DPP6: variants seen among roughly 807,000 people sequenced by gnomAD.
DPP6 encodes dipeptidyl peptidase like 6, also known as A-type potassium channel modulatory protein DPP6.
Under a neutral mutation model 122.6 loss-of-function variants are expected in DPP6, and 69 were observed. That is an observed-to-expected ratio of 0.56 (90% CI 0.46 to 0.69). The LOEUF is 0.69. DPP6 is among the 30% of genes least tolerant of loss of function. The pLI is 0.00. For missense variants in DPP6, 928 were observed against 1,116.9 expected, an observed-to-expected ratio of 0.83 and a Z score of 2.41; for synonymous variants, 418 against 433.1, an observed-to-expected ratio of 0.97 and a Z score of 0.43.
chr7:154,556,689 A>G (rs1347897510), intron 4 of DPP6, among the ~76,000 whole-genome samples: 1 of 152,234 alleles, frequency 6.6e-6, no homozygotes, highest in East Asian at 1.9e-4. Context: ...TTAAATTTTA[A>G]TTTTAAGAAA....
chr7:154,720,245 G>A (rs1227739213), intron 7 of DPP6, among the ~76,000 whole-genome samples: 1 of 152,176 alleles, frequency 6.6e-6, no homozygotes, highest in Non-Finnish European at 1.5e-5. Context: ...AGGAGAGGAG[G>A]CACCAGCAGG....
intron 10 of DPP6, among the ~76,000 whole-genome samples, chr7:154,784,215 C>A (rs1220383119): frequency 1.3e-5 from 2 of 152,116 alleles, no homozygotes; most frequent in African/African-American, 4.8e-5. Context: ...AATTGAGCTA[C>A]AACTTGCACT....
At chr7:154,699,070 G>C (rs1306117335) in intron 7 of DPP6, among the ~76,000 whole-genome samples, 3 of 152,186 alleles carry the variant, frequency 2.0e-5, no homozygotes, top group African/African-American at 7.2e-5. Flanking sequence ...AACCTGGGAG[G>C]GAAGCAGACA....
At position 154,760,024 on chromosome 7, in the gene DPP6, G is replaced by A. The variant is rs1230536157; in HGVS notation, c.884-9393G>A. Reference sequence around the variant, plus strand: ...TGTAGTCCCAGCTACTCGGGAGGCCGAGGCAGAAGAATCACTTGAACCCAG... The same window carrying A: ...TGTAGTCCCAGCTACTCGGGAGGCCAAGGCAGAAGAATCACTTGAACCCAG... On this transcript the variant is annotated intron_variant, in intron 8 of 25. Transcript: ENST00000377770. The surrounding 1 kb of genome is among the most constrained non-coding windows in gnomAD (Gnocchi z 4.5). 6.6e-6 allele frequency among the ~76,000 whole-genome samples: 1 copy of A among 152,196 alleles called. No individual in the cohort carries two copies. Among genetic ancestry groups the A allele is most frequent in the Admixed American group, 6.5e-5 (1 of 15,286 alleles).
intron 1 of DPP6, among the ~76,000 whole-genome samples, chr7:154,308,964 A>C (rs1340916147): frequency 6.6e-6 from 1 of 150,786 alleles, no homozygotes; most frequent in Admixed American, 6.6e-5. Context: ...GTATGCACAC[A>C]CAAACAAATG....
At chr7:154,112,752 A>G (rs1365946929) in intron 1 of DPP6, among the ~76,000 whole-genome samples, 3 of 151,362 alleles carry the variant, frequency 2.0e-5, no homozygotes, top group Non-Finnish European at 4.4e-5. Flanking sequence ...TTTTTGTGAT[A>G]AGAACACTTA....
chr7:154,270,808 C>T (rs755839267), intron 1 of DPP6, among the ~76,000 whole-genome samples: 2 of 151,984 alleles, frequency 1.3e-5, no homozygotes, highest in Non-Finnish European at 2.9e-5. Flanking sequence ...GAAATTCTGC[C>T]CTGGTTCTGG....
intron 1 of DPP6, among the ~76,000 whole-genome samples, chr7:154,191,982 GA>G (rs199817118): frequency 2.0e-5 from 3 of 151,946 alleles, no homozygotes; most frequent in East Asian, 3.9e-4. Flanking sequence ...AGAGGCAGGA[GA>G]AAAAAAACCA....
chr7:154,310,458 T>C (rs1006777794), intron 1 of DPP6, among the ~76,000 whole-genome samples: 2 of 152,220 alleles, frequency 1.3e-5, no homozygotes, highest in African/African-American at 4.8e-5. Flanking sequence ...CAAGGACAAA[T>C]GATACCCAGA....
chr7:154,037,073 C>T (rs1469282401), intron 1 of DPP6, among the ~76,000 whole-genome samples: 3 of 151,992 alleles, frequency 2.0e-5, no homozygotes, highest in Non-Finnish European at 4.4e-5. Context: ...GATTTGTGGC[C>T]CATGAGTCTC....
chr7:154,793,159 A>C (rs1286794335), intron 10 of DPP6, among the ~76,000 whole-genome samples: 1 of 152,202 alleles, frequency 6.6e-6, no homozygotes, highest in African/African-American at 2.4e-5. Flanking sequence ...TAGTGATAAA[A>C]GATCTTGTAA....
the DPP6 span, among the ~76,000 whole-genome samples, chr7:153,783,857 G>A: frequency 1.3e-5 from 2 of 152,140 alleles, no homozygotes; most frequent in African/African-American, 2.4e-5. Context: ...GCCCCAAGTT[G>A]GAAACAATGT....
intron 3 of DPP6, among the ~76,000 whole-genome samples, chr7:154,520,907 T>C (rs1826919684): frequency 6.6e-6 from 1 of 152,180 alleles, no homozygotes; most frequent in Non-Finnish European, 1.5e-5. Flanking sequence ...ATGCCTAATA[T>C]AAGTAGCATG....
chr7:154,091,651 G>A (rs1476991112), intron 1 of DPP6, among the ~76,000 whole-genome samples: 6 of 151,980 alleles, frequency 3.9e-5, no homozygotes, highest in Non-Finnish European at 8.8e-5. Flanking sequence ...GGGTCCCTAA[G>A]AGAAAGGATA....
the DPP6 span, among the ~76,000 whole-genome samples, chr7:153,812,796 T>A: frequency 6.6e-6 from 1 of 152,114 alleles, no homozygotes; most frequent in Admixed American, 6.5e-5. Context: ...GTTTCTGTGA[T>A]CTCCATCTAG....
At chr7:153,780,389 C>T in the DPP6 span, among the ~76,000 whole-genome samples, 3 of 151,926 alleles carry the variant, frequency 2.0e-5, no homozygotes, top group Admixed American at 2.0e-4. Context: ...GAATGGTTCC[C>T]AGAATTATTT....
the DPP6 span, among the ~76,000 whole-genome samples, chr7:153,877,792 C>A: frequency 6.8e-4 from 103 of 152,038 alleles, no homozygotes; most frequent in Non-Finnish European, 1.2e-3. Context: ...TCAAGTATTA[C>A]CCTATTCCAA....
chr7:154,123,230 C>A (rs1807627372), intron 1 of DPP6, among the ~76,000 whole-genome samples: 1 of 152,194 alleles, frequency 6.6e-6, no homozygotes, highest in Admixed American at 6.5e-5. Context: ...TAAATAACTG[C>A]CTGAGCCTTG....
chr7:154,590,872 G>A (rs1005689788), intron 5 of DPP6, among the ~76,000 whole-genome samples: 5 of 152,038 alleles, frequency 3.3e-5, no homozygotes, highest in African/African-American at 1.2e-4. Flanking sequence ...TATATTCTGC[G>A]AGTAAGTGAT....
Sources: allele counts gnomAD v4.1 joint callset (sites outside exome capture counted in the v4.1 genomes callset), GRCh38; gene constraint gnomAD v4.1.1; non-coding constraint Gnocchi (gnomAD v3.1); transcripts MANE v1.5; gene names NCBI Gene and HGNC (gene_info 2026-07-23, HGNC 2026-07-21).